CAST: variants seen among roughly 807,000 people sequenced by gnomAD.
The protein encoded by CAST is MIR583 host.
A neutral mutation model predicts 119.6 loss-of-function variants in CAST; 76 were observed. The observed-to-expected ratio is 0.64, with a 90% CI of 0.53 to 0.77. CAST has a LOEUF of 0.77. CAST is among the 30% of genes least tolerant of loss of function. The probability of loss-of-function intolerance (pLI) is 0.00; values close to 1 mark genes in which losing one functional copy is unlikely to be tolerated. For synonymous variants in CAST, 319 were observed against 331.6 expected, an observed-to-expected ratio of 0.96 and a Z score of 0.41; for missense variants, 953 against 946.5, an observed-to-expected ratio of 1.01 and a Z score of -0.09.
chr5:96,743,072 T>A (rs1763023927), intron 16 of CAST, among the ~76,000 whole-genome samples: 1 of 152,208 alleles, frequency 6.6e-6, no homozygotes, highest in Non-Finnish European at 1.5e-5. Flanking sequence ...ATTGGAAATT[T>A]GTATTTTCAG....
chr5:96,629,419 C>T (rs939420961), intron 1 of CAST, among the ~76,000 whole-genome samples: 3 of 152,052 alleles, frequency 2.0e-5, no homozygotes, highest in African/African-American at 7.2e-5. Context: ...CAGCGCTCCC[C>T]TCTGGGTGGG....
intron 1 of CAST, among the ~76,000 whole-genome samples, chr5:96,589,938 CAAG>C (rs1210506229): frequency 2.0e-5 from 3 of 152,246 alleles, no homozygotes; most frequent in Admixed American, 2.0e-4. Context: ...AGAGGGTTAT[CAAG>C]AAGAACACTT....
chr5:96,354,069 A>G, the CAST span, among the ~76,000 whole-genome samples: 8 of 152,224 alleles, frequency 5.3e-5, no homozygotes, highest in Non-Finnish European at 7.4e-5. Context: ...TCCACATTCA[A>G]TACATTGGTA....
intron 1 of CAST, among the ~76,000 whole-genome samples, chr5:96,634,005 G>T (rs1036614863): frequency 1.3e-5 from 2 of 152,170 alleles, no homozygotes; most frequent in Admixed American, 6.5e-5. Context: ...CAAATGGAGA[G>T]AAGTGATTTT....
At chr5:96,294,171 A>T in the CAST span, among the ~76,000 whole-genome samples, 1 of 152,234 alleles carries the variant, frequency 6.6e-6, no homozygotes, top group Non-Finnish European at 1.5e-5. Flanking sequence ...CTAACAACTT[A>T]AAAAAATTAG....
the CAST span, among the ~76,000 whole-genome samples, chr5:96,479,263 C>T: frequency 9.8e-5 from 15 of 152,308 alleles, no homozygotes; most frequent in African/African-American, 3.6e-4. Flanking sequence ...GTAGCTGCTT[C>T]TGGATCTGAT....
chr5:96,424,375 C>T, the CAST span, among the ~76,000 whole-genome samples: 1 of 152,098 alleles, frequency 6.6e-6, no homozygotes, highest in African/African-American at 2.4e-5. Flanking sequence ...AAGAAGGCCT[C>T]TATGTCAGTT....
intron 16 of CAST, among the ~76,000 whole-genome samples, chr5:96,744,480 C>T (rs1763336281): frequency 6.6e-6 from 1 of 152,164 alleles, no homozygotes; most frequent in Non-Finnish European, 1.5e-5. Context: ...GAGAGCTCCG[C>T]CCCCATGATT....
At chr5:96,212,090 A>T in the CAST span, among the ~76,000 whole-genome samples, 1 of 151,538 alleles carries the variant, frequency 6.6e-6, no homozygotes, top group Non-Finnish European at 1.5e-5. Context: ...TTTTAGTTTT[A>T]TTGATTTTTT....
At chr5:95,976,060 C>T in the CAST span, among the ~76,000 whole-genome samples, 1 of 151,994 alleles carries the variant, frequency 6.6e-6, no homozygotes, top group African/African-American at 2.4e-5. Flanking sequence ...CAAAACACAG[C>T]CTGAGTCCCT....
intron 1 of CAST, among the ~76,000 whole-genome samples, chr5:96,637,660 AATAAC>A (rs1219599359): frequency 6.6e-6 from 1 of 152,176 alleles, no homozygotes; most frequent in Non-Finnish European, 1.5e-5. Context: ...TTCCCAGAAA[AATAAC>A]ATAAAACTAA....
chr5:96,120,414 T>A, the CAST span, among the ~76,000 whole-genome samples: 1 of 152,118 alleles, frequency 6.6e-6, no homozygotes, highest in African/African-American at 2.4e-5. Flanking sequence ...CTGGCCTTGC[T>A]CCTATCCTGT....
chr5:96,265,953 A>AT, the CAST span, among the ~76,000 whole-genome samples: 1 of 152,218 alleles, frequency 6.6e-6, no homozygotes, highest in Non-Finnish European at 1.5e-5. Flanking sequence ...GGAAGAATCA[A>AT]ATTCCCATCA....
At chr5:96,617,909 G>A (rs1413757023) in intron 1 of CAST, among the ~76,000 whole-genome samples, 1 of 151,116 alleles carries the variant, frequency 6.6e-6, no homozygotes, top group Non-Finnish European at 1.5e-5. Context: ...GGTGTCTTAA[G>A]GAGGGAGGAG....
At chr5:95,994,417 T>G in the CAST span, among the ~76,000 whole-genome samples, 1 of 152,152 alleles carries the variant, frequency 6.6e-6, no homozygotes, top group Non-Finnish European at 1.5e-5. Context: ...TGTGATTCTA[T>G]TCATAAGAAA....
chr5:95,975,195 T>G, the CAST span, among the ~76,000 whole-genome samples: 2 of 152,252 alleles, frequency 1.3e-5, no homozygotes, highest in Non-Finnish European at 2.9e-5. Flanking sequence ...TAAGAAGTGC[T>G]GGTTTCCTAT....
At chr5:96,432,635 C>G in the CAST span, among the ~76,000 whole-genome samples, 1 of 152,192 alleles carries the variant, frequency 6.6e-6, no homozygotes, top group Admixed American at 6.5e-5. Context: ...TAAGCCCTAC[C>G]CAGCTGCAGC....
the CAST span, chr5:96,429,356 C>CA: frequency 8.7e-7 from 1 of 1,152,944 alleles, no homozygotes; most frequent in African/African-American, 1.5e-5. Context: ...TCCACGTTCC[C>CA]AAACAAGTAT....
chr5:96,195,969 ATAGT>A, the CAST span, among the ~76,000 whole-genome samples: 1 of 152,166 alleles, frequency 6.6e-6, no homozygotes, highest in Non-Finnish European at 1.5e-5. Flanking sequence ...GTTACATTCA[ATAGT>A]TAGAGTGACT....
Sources: allele counts gnomAD v4.1 joint callset (sites outside exome capture counted in the v4.1 genomes callset), GRCh38; gene constraint gnomAD v4.1.1; transcripts MANE v1.5; gene names NCBI Gene and HGNC (gene_info 2026-07-23, HGNC 2026-07-21).